Variants in SAMD12 observed in about 807,000 individuals in gnomAD.
SAMD12 encodes sterile alpha motif domain containing 12.
In SAMD12, 9 loss-of-function variants were observed where a neutral mutation model predicts 15.0. The ratio of observed to expected loss-of-function variants is 0.60; its 90% confidence interval spans 0.36 to 1.05. The LOEUF (loss-of-function observed/expected upper bound fraction) is 1.05. SAMD12 is among the 50% of genes least tolerant of loss of function. The pLI is 0.01. For missense variants in SAMD12, 230 were observed against 234.2 expected (o/e 0.98, Z 0.12); for synonymous variants, 86 against 90.1 (o/e 0.96, Z 0.25).
chr8:118,182,068 G>A, the SAMD12 span, among the ~76,000 whole-genome samples: 3 of 152,152 alleles, frequency 2.0e-5, no homozygotes, highest in Admixed American at 6.5e-5. Flanking sequence ...TGCTGCCTCG[G>A]AGGGGCATCA....
At chr8:118,218,033 C>G (rs551943025) in intron 4 of SAMD12, among the ~76,000 whole-genome samples, 5 of 152,300 alleles carry the variant, frequency 3.3e-5, no homozygotes, top group East Asian at 1.9e-4. Context: ...GACTAGCATG[C>G]AGCTCACACC....
the SAMD12 span, among the ~76,000 whole-genome samples, chr8:118,151,507 A>G: frequency 6.6e-6 from 1 of 152,288 alleles, no homozygotes; most frequent in South Asian, 2.1e-4. Context: ...TGGAGTGATC[A>G]TAGCAGGAAC....
At chr8:118,442,913 T>C (rs1334290836) in intron 2 of SAMD12, among the ~76,000 whole-genome samples, 1 of 152,212 alleles carries the variant, frequency 6.6e-6, no homozygotes, top group Non-Finnish European at 1.5e-5. Flanking sequence ...TTTAACTTGC[T>C]CATATCCTGG....
Position 118,256,779 on chromosome 8 carries a change from TACACACACACAC to T in SAMD12, c.434-59059_434-59048del, listed in dbSNP as rs3052764. 7.7e-4 allele frequency among the ~76,000 whole-genome samples: 108 copies of T among 139,886 alleles called. 1 individual carries two copies. Among genetic ancestry groups the T allele is most frequent in the East Asian group, 4.4e-3 (21 of 4,782 alleles). The allele number at this position is 139,886 out of a possible 152,430, so 91.8% of individuals were successfully genotyped here. ...CTTAATGTAATATATCTGCATAAGA[TACACACACACAC>T]ACACACACACACACACACACACACA... On this transcript the variant is annotated intron_variant, in intron 4 of 4. Coordinates refer to the SAMD12 transcript ENST00000409003.
At chr8:118,146,861 A>G in the SAMD12 span, among the ~76,000 whole-genome samples, 1 of 152,226 alleles carries the variant, frequency 6.6e-6, no homozygotes, top group Admixed American at 6.5e-5. Context: ...GATTTCACTT[A>G]TATGTTCCTA....
chr8:118,483,143 G>A (rs935547057), intron 2 of SAMD12, among the ~76,000 whole-genome samples: 1 of 152,026 alleles, frequency 6.6e-6, no homozygotes, highest in Non-Finnish European at 1.5e-5. Flanking sequence ...GAGGTATAAG[G>A]GCATTAAACA....
At chr8:118,348,426 A>C (rs762848496) in intron 4 of SAMD12, among the ~76,000 whole-genome samples, 24 of 149,742 alleles carry the variant, frequency 1.6e-4, no homozygotes, top group Non-Finnish European at 2.8e-4. Flanking sequence ...GCTGGAGTGC[A>C]GTGGTGTGAC....
chr8:118,543,631 CTTTTT>C (rs397978436), intron 2 of SAMD12, among the ~76,000 whole-genome samples: 42 of 116,620 alleles, frequency 3.6e-4, no homozygotes, highest in African/African-American at 9.1e-4. Context: ...TTCTTTCTTT[CTTTTT>C]TTTTTTTTTT....
At chr8:118,150,194 A>G in the SAMD12 span, among the ~76,000 whole-genome samples, 1 of 152,234 alleles carries the variant, frequency 6.6e-6, no homozygotes, top group Non-Finnish European at 1.5e-5. Context: ...TAATGCCTCT[A>G]TTGAGAAACT....
At chr8:118,389,271 T>C (rs1188145129) in intron 3 of SAMD12, among the ~76,000 whole-genome samples, 1 of 152,268 alleles carries the variant, frequency 6.6e-6, no homozygotes, top group Non-Finnish European at 1.5e-5. Context: ...TGCATATTTA[T>C]GTATGCTTGA....
rs75032092 is a variant in SAMD12 at position 118,346,069 on chromosome 8, G to A, written c.433+33491C>T. Among the ~76,000 whole-genome samples the A allele has an allele frequency of 5.8e-3, 876 of 152,282 alleles. 7 individuals are homozygous for A. The highest frequency in any genetic ancestry group is 0.02 in the African/African-American group (839 of 41,536). The stretch of plus-strand genomic sequence containing the variant: ...CTGTTTATTCTGTAAAATGAACTCA[G>A]GGAAATCATAATTATCGAGGGATGT... On this transcript the variant is annotated intron_variant, in intron 4 of 4. Transcript: ENST00000409003.
At chr8:118,483,995 T>C (rs1824205569) in intron 2 of SAMD12, among the ~76,000 whole-genome samples, 1 of 152,196 alleles carries the variant, frequency 6.6e-6, no homozygotes, top group Non-Finnish European at 1.5e-5. Context: ...AGAAAATGTC[T>C]AGCTATATGA....
chr8:118,425,655 C>T (rs1047042987), intron 3 of SAMD12, among the ~76,000 whole-genome samples: 1 of 152,164 alleles, frequency 6.6e-6, no homozygotes. Flanking sequence ...ATGCAGATGT[C>T]TGATCATATT....
At position 118,402,992 on chromosome 8, in the gene SAMD12, T is replaced by C. The variant is rs542768189; in HGVS notation, c.323-23292A>G. On this transcript the variant is annotated intron_variant, in intron 3 of 3. Coordinates refer to ENST00000314727, the MANE Select transcript of SAMD12 (RefSeq NM_207506.3). ...ATAGTGAAGTTGGGTAAAAACTTGC[T>C]GATAAGCAATATCTAAAACTTACCC... Among the ~76,000 whole-genome samples the C allele has an allele frequency of 2.6e-4, 40 of 152,372 alleles. 1 individual carries two copies. Among genetic ancestry groups the C allele is most frequent in the Admixed American group, 2.5e-3 (39 of 15,304 alleles).
intron 2 of SAMD12, among the ~76,000 whole-genome samples, chr8:118,569,981 T>A (rs1826963295): frequency 6.6e-6 from 1 of 152,204 alleles, no homozygotes; most frequent in African/African-American, 2.4e-5. Flanking sequence ...ATTTTTCAGT[T>A]TAAGTGAGGA....
At chr8:118,309,707 T>C (rs1292472273) in intron 4 of SAMD12, among the ~76,000 whole-genome samples, 10 of 152,028 alleles carry the variant, frequency 6.6e-5, no homozygotes. Flanking sequence ...GCTTACAGAG[T>C]TATCTTTGCT....
intron 4 of SAMD12, among the ~76,000 whole-genome samples, chr8:118,220,457 A>G (rs1812059141): frequency 6.6e-6 from 1 of 152,214 alleles, no homozygotes; most frequent in African/African-American, 2.4e-5. Context: ...GATCCTAGGA[A>G]TCTATAGGCC....
chr8:118,212,285 C>T (rs1811852593), intron 4 of SAMD12, among the ~76,000 whole-genome samples: 1 of 151,670 alleles, frequency 6.6e-6, no homozygotes, highest in African/African-American at 2.4e-5. Context: ...CAGGTGTGTG[C>T]CACCATGTCT....
chr8:118,531,041 C>A lies in SAMD12; in HGVS notation c.192+49674G>T, dbSNP rs1009473492. Among the ~76,000 whole-genome samples, 6 of 152,174 alleles carry A rather than the reference C, an allele frequency of 3.9e-5. No homozygotes were observed. In the East Asian group the frequency reaches 1.2e-3, roughly 29 times the overall value. ...TGAATGGTAATGCCTAGGTTTTCTTCTAGGGTTTTTATGGTTTTAGGTCTA... is the reference window on the plus strand; with the variant it reads ...TGAATGGTAATGCCTAGGTTTTCTTATAGGGTTTTTATGGTTTTAGGTCTA... On this transcript the variant is annotated intron_variant, in intron 2 of 3. Transcript: ENST00000314727.
Sources: gnomAD v4.1 joint callset for allele counts (sites outside exome capture counted in the v4.1 genomes callset) on GRCh38, gnomAD v4.1.1 for gene constraint, MANE v1.5 for transcripts, NCBI Gene and HGNC (gene_info 2026-07-23, HGNC 2026-07-21) for gene names.